Variants in CENPW observed in about 807,000 individuals in gnomAD.
CENPW encodes the protein cancer-up-regulated gene 2 protein.
In CENPW, 3 loss-of-function variants were observed where a neutral mutation model predicts 11.1. The ratio of observed to expected loss-of-function variants is 0.27; its 90% CI spans 0.12 to 0.70. The LOEUF (loss-of-function observed/expected upper bound fraction) is 0.70. Among genes scored for constraint, CENPW ranks in the 30% least tolerant of loss-of-function variants. The probability of loss-of-function intolerance (pLI) is 0.77; values close to 1 mark genes in which losing one functional copy is unlikely to be tolerated. For missense variants in CENPW, 100 were observed against 105.6 expected (o/e 0.95, Z 0.23); for synonymous variants, 38 against 42.0 (o/e 0.91, Z 0.37).
chr6:126,464,733 C>T, the CENPW span, among the ~76,000 whole-genome samples: 21 of 152,128 alleles, frequency 1.4e-4, no homozygotes, highest in Admixed American at 1.4e-3. Flanking sequence ...CTATCCATCA[C>T]TGGCTTCCTT....
the CENPW span, among the ~76,000 whole-genome samples, chr6:126,459,163 T>A: frequency 6.6e-6 from 1 of 151,448 alleles, no homozygotes; most frequent in African/African-American, 2.4e-5. Flanking sequence ...CCAATGCTAA[T>A]GGATTTTTTT....
At chr6:126,431,286 T>G in the CENPW span, among the ~76,000 whole-genome samples, 8 of 152,234 alleles carry the variant, frequency 5.3e-5, no homozygotes, top group Non-Finnish European at 1.2e-4. Context: ...GTGCGTTTTT[T>G]GCTTGTTTGT....
chr6:126,380,365 G>T, the CENPW span, among the ~76,000 whole-genome samples: 5 of 152,224 alleles, frequency 3.3e-5, no homozygotes, highest in Admixed American at 3.3e-4. Flanking sequence ...CTTTCAAATT[G>T]TGTATTGAAT....
At chr6:126,377,874 A>G in the CENPW span, among the ~76,000 whole-genome samples, 1 of 147,914 alleles carries the variant, frequency 6.8e-6, no homozygotes, top group South Asian at 2.3e-4. Flanking sequence ...TTGCACAGCA[A>G]CTAGAGGAAG....
At chr6:126,419,413 C>A in the CENPW span, among the ~76,000 whole-genome samples, 1 of 152,078 alleles carries the variant, frequency 6.6e-6, no homozygotes, top group African/African-American at 2.4e-5. Context: ...ATTCAACTTA[C>A]CAAGTGCCTA....
chr6:126,436,191 T>A, the CENPW span, among the ~76,000 whole-genome samples: 11 of 151,876 alleles, frequency 7.2e-5, no homozygotes, highest in Admixed American at 3.3e-4. Context: ...ATTTACTAGA[T>A]AATCTAGGTG....
At chr6:126,377,297 A>G in the CENPW span, among the ~76,000 whole-genome samples, 1 of 152,176 alleles carries the variant, frequency 6.6e-6, no homozygotes, top group Non-Finnish European at 1.5e-5. Context: ...ACTACTTTAC[A>G]TATTTAGCAG....
intron 2 of CENPW, among the ~76,000 whole-genome samples, chr6:126,346,590 G>A (rs914016606): frequency 3.3e-5 from 5 of 152,054 alleles, no homozygotes; most frequent in African/African-American, 1.2e-4. Context: ...ATATCACCTT[G>A]AAATTTATCA....
At chr6:126,428,018 C>G in the CENPW span, among the ~76,000 whole-genome samples, 1 of 152,208 alleles carries the variant, frequency 6.6e-6, no homozygotes, top group Admixed American at 6.5e-5. Context: ...AACGAAATTA[C>G]CAAATGCTCT....
the CENPW span, among the ~76,000 whole-genome samples, chr6:126,436,730 C>T: frequency 2.0e-5 from 3 of 151,746 alleles, no homozygotes; most frequent in Non-Finnish European, 2.9e-5. Flanking sequence ...CCCCCCTTTT[C>T]ACCATGTGTC....
At chr6:126,455,443 CACATA>C in the CENPW span, among the ~76,000 whole-genome samples, 1 of 151,420 alleles carries the variant, frequency 6.6e-6, no homozygotes, top group Non-Finnish European at 1.5e-5. Context: ...TGTAATTAAT[CACATA>C]ACAGAACTAA....
At chr6:126,376,572 G>A in the CENPW span, among the ~76,000 whole-genome samples, 4 of 152,132 alleles carry the variant, frequency 2.6e-5, no homozygotes, top group Non-Finnish European at 5.9e-5. Flanking sequence ...TGACAGGGCC[G>A]TGGTTGATAA....
chr6:126,418,138 CT>C, the CENPW span, among the ~76,000 whole-genome samples: 1 of 152,210 alleles, frequency 6.6e-6, no homozygotes, highest in Non-Finnish European at 1.5e-5. Flanking sequence ...TTATTATACG[CT>C]GCTGGTCAGA....
At chr6:126,462,142 ATCTT>A in the CENPW span, among the ~76,000 whole-genome samples, 4 of 151,932 alleles carry the variant, frequency 2.6e-5, no homozygotes, top group African/African-American at 9.7e-5. Flanking sequence ...CAGGAAGGAC[ATCTT>A]TCTTTTATCT....
chr6:126,349,535 T>TA (rs1562381726), downstream of CENPW, among the ~76,000 whole-genome samples: 1 of 152,182 alleles, frequency 6.6e-6, no homozygotes, highest in African/African-American at 2.4e-5. Flanking sequence ...GAGAATGTCA[T>TA]ATGGATGGAA....
chr6:126,341,529 C>T (rs1280621564), intron 1 of CENPW, among the ~76,000 whole-genome samples: 2 of 152,154 alleles, frequency 1.3e-5, no homozygotes, highest in African/African-American at 2.4e-5. Flanking sequence ...AACAAAAACA[C>T]ATTTTCCCCC....
chr6:126,371,796 G>T, the CENPW span, among the ~76,000 whole-genome samples: 3 of 151,856 alleles, frequency 2.0e-5, no homozygotes, highest in Non-Finnish European at 4.4e-5. Context: ...TTTCTTCCTG[G>T]TTTAATCTAC....
chr6:126,482,956 C>T, the CENPW span, among the ~76,000 whole-genome samples: 2 of 151,872 alleles, frequency 1.3e-5, no homozygotes, highest in African/African-American at 4.8e-5. Context: ...TTGTGTCTTT[C>T]AGTCAATATA....
chr6:126,400,363 A>T, the CENPW span, among the ~76,000 whole-genome samples: 1 of 151,980 alleles, frequency 6.6e-6, no homozygotes, highest in Non-Finnish European at 1.5e-5. Context: ...TTCTTTTGCG[A>T]GTTCTCTATT....
Sources: gnomAD v4.1 joint callset for allele counts (sites outside exome capture counted in the v4.1 genomes callset) on GRCh38, gnomAD v4.1.1 for gene constraint, MANE v1.5 for transcripts, NCBI Gene and HGNC (gene_info 2026-07-23, HGNC 2026-07-21) for gene names.